The following MYO6 variants were observed in gnomAD, a reference collection of about 807,000 sequenced individuals.
MYO6 encodes the protein unconventional myosin-VI.
A neutral mutation model predicts 178.7 loss-of-function variants in MYO6; 74 were observed. The observed-to-expected ratio is 0.41, with a 90% CI of 0.34 to 0.50. The LOEUF (loss-of-function observed/expected upper bound fraction) is 0.50. Ranked by LOEUF, MYO6 falls within the 20% of genes least tolerant of loss-of-function variation. The pLI, the probability that MYO6 is intolerant of heterozygous loss-of-function variation, is 0.09. For missense variants in MYO6, 1,330 were observed against 1,547.4 expected (o/e 0.86, Z 2.36); for synonymous variants, 477 against 504.6 (o/e 0.95, Z 0.73).
At chr6:75,803,861 GAT>G (rs1010948606) in intron 1 of MYO6, among the ~76,000 whole-genome samples, 45 of 152,076 alleles carry the variant, frequency 3.0e-4, no homozygotes, top group Admixed American at 3.3e-4. Flanking sequence ...GATTAACTTG[GAT>G]ATATTTTCTA....
chr6:75,904,273 C>T (rs1194470625), intron 30 of MYO6, among the ~76,000 whole-genome samples: 2 of 150,170 alleles, frequency 1.3e-5, no homozygotes, highest in Admixed American at 6.6e-5. Context: ...GAATGTTGGC[C>T]TGCCTTGCTA....
chr6:75,861,848 AC>A (rs1776238356), intron 15 of MYO6, among the ~76,000 whole-genome samples: 1 of 151,954 alleles, frequency 6.6e-6, no homozygotes, highest in Non-Finnish European at 1.5e-5. Flanking sequence ...ACCCTTTCTA[AC>A]CTCTGAGTCT....
intron 20 of MYO6, among the ~76,000 whole-genome samples, chr6:75,878,304 G>GT (rs1026135449): frequency 7.2e-5 from 11 of 151,956 alleles, no homozygotes; most frequent in Non-Finnish European, 1.5e-4. Flanking sequence ...TGAGATTTTA[G>GT]TTTTTTTCTG....
chr6:75,828,725 C>G, intron 4 of MYO6, 112 bp downstream of exon 4: 1 of 772,862 alleles, frequency 1.3e-6, no homozygotes, highest in Non-Finnish European at 2.3e-6. Context: ...TTGATCTGAG[C>G]CTCTTGAATA....
intron 20 of MYO6, among the ~76,000 whole-genome samples, chr6:75,878,384 C>T (rs922893509): frequency 2.0e-5 from 3 of 152,118 alleles, no homozygotes; most frequent in Admixed American, 2.0e-4. Flanking sequence ...TCTTTGCCCA[C>T]AAGTGTGAAA....
intron 1 of MYO6, among the ~76,000 whole-genome samples, chr6:75,795,545 TTG>T (rs1013973924): frequency 6.6e-6 from 1 of 152,188 alleles, no homozygotes; most frequent in African/African-American, 2.4e-5. Context: ...AATGCATAAA[TTG>T]TGTCTGTCTC....
chr6:75,857,196 G>T lies in MYO6; in HGVS notation c.1323G>T (p.Gln441His), dbSNP rs1176929638. The T allele has an allele frequency of 6.2e-7, 1 of 1,613,906 alleles. No individual in the cohort carries two copies. Among genetic ancestry groups the T allele is most frequent in the East Asian group, 2.2e-5 (1 of 44,860 alleles). ...LFDHVVNRVN[Q>H]CFPFETSSYF... The stretch of plus-strand genomic sequence containing the variant: ...ATCATGTGGTAAACAGAGTAAATCA[G>T]TGTTTTCCTTTTGAAACATCATCCT... Residue 441 changes from glutamine (Q) to histidine (H), a missense_variant, in exon 13 of 35, where the codon CAG becomes CAT. Around this residue, in one of 3 missense-constraint regions of MYO6, gnomAD observed 613 missense variants for 816.8 expected, o/e 0.75. Transcript: ENST00000369977.
chr6:75,843,013 G>C (rs1774384988), intron 9 of MYO6, among the ~76,000 whole-genome samples: 1 of 152,184 alleles, frequency 6.6e-6, no homozygotes, highest in South Asian at 2.1e-4. Context: ...GTAAGAGGAA[G>C]AGTAGGGGAA....
At chr6:75,898,069 G>A (rs1779443776) in intron 29 of MYO6, among the ~76,000 whole-genome samples, 1 of 152,108 alleles carries the variant, frequency 6.6e-6, no homozygotes, top group East Asian at 1.9e-4. Context: ...TTTAGACCAT[G>A]TTATTTGTAT....
chr6:75,850,722 T>C (rs1421608857), intron 11 of MYO6, among the ~76,000 whole-genome samples: 1 of 152,212 alleles, frequency 6.6e-6, no homozygotes, highest in Non-Finnish European at 1.5e-5. Context: ...TTTCGTGTCT[T>C]AGTTTCCTCA....
rs776814111 is a variant in MYO6, at chr6:75,841,249, C to A, written c.687C>A (p.Leu229=). Residue 229 remains leucine (L), a synonymous_variant, in exon 9 of 35, where the codon CTC becomes CTA. Transcript: ENST00000369977. ...TTGGAGGATTTGTTTCACATTATCT[C>A]CTAGAGAAATCTAGGATCTGTGTTC... ...SVVGGFVSHY[L]LEKSRICVQG... 1.2e-6 allele frequency: 2 copies of A among 1,613,774 alleles called. No homozygotes were observed. Among genetic ancestry groups the A allele is most frequent in the Non-Finnish European group, 1.7e-6 (2 of 1,179,920 alleles).
At chr6:75,812,083 A>G (rs1219657263) in intron 1 of MYO6, among the ~76,000 whole-genome samples, 1 of 152,254 alleles carries the variant, frequency 6.6e-6, no homozygotes, top group East Asian at 1.9e-4. Flanking sequence ...CAGTGGCACA[A>G]TGATAGCTTA....
At chr6:75,805,789 T>G in intron 1 of MYO6, among the ~76,000 whole-genome samples, 2 of 152,348 alleles carry the variant, frequency 1.3e-5, no homozygotes, top group South Asian at 4.1e-4. Context: ...CCAATAATTC[T>G]TATTATTTTT....
At chr6:75,757,780 C>T (rs1265765976) in intron 1 of MYO6, among the ~76,000 whole-genome samples, 2 of 151,870 alleles carry the variant, frequency 1.3e-5, no homozygotes, top group Non-Finnish European at 2.9e-5. Flanking sequence ...ATATTACCTA[C>T]CTGGTGTGGT....
In MYO6 at chr6:75,866,553, C is replaced by G. The variant is rs1405544677; in HGVS notation, c.1702C>G (p.His568Asp). 2 of 1,613,826 alleles carry G rather than the reference C, an allele frequency of 1.2e-6. No homozygotes were observed. Among genetic ancestry groups the G allele is most frequent in the Middle Eastern group, 1.6e-4 (1 of 6,062 alleles). The change falls in exon 17 of 35, where the codon CAT becomes GAT. Residue 568 changes from histidine to aspartate, a missense_variant. Transcript: ENST00000369977. ...TIPRKSKLAV[H>D]RNIRDDEGFI... The stretch of plus-strand genomic sequence containing the variant: ...TCCCAGAAAATCTAAGCTGGCAGTT[C>G]ATAGGAATATCAGAGACGACGAAGG...
intron 2 of MYO6, 85 bp from the exon 3 acceptor site, chr6:75,822,697 A>G: frequency 1.0e-6 from 1 of 984,532 alleles, no homozygotes; most frequent in South Asian, 1.3e-5. Flanking sequence ...TGCCACTATT[A>G]CAGTGTATGC....
chr6:75,842,770 C>A (rs1460728467), intron 9 of MYO6, among the ~76,000 whole-genome samples: 1 of 152,114 alleles, frequency 6.6e-6, no homozygotes, highest in Non-Finnish European at 1.5e-5. Context: ...TTTGTCAATA[C>A]TTAGCTGACA....
intron 9 of MYO6, among the ~76,000 whole-genome samples, chr6:75,842,891 C>G (rs1774372150): frequency 6.6e-6 from 1 of 152,110 alleles, no homozygotes; most frequent in Admixed American, 6.5e-5. Flanking sequence ...GGTACAATGG[C>G]AGGCATCCTG....
At chr6:75,858,576 G>T (rs1201685494) in intron 13 of MYO6, among the ~76,000 whole-genome samples, 1 of 152,174 alleles carries the variant, frequency 6.6e-6, no homozygotes, top group Admixed American at 6.5e-5. Flanking sequence ...CTGCACTCCA[G>T]CCTGTGTGAC....
Sources: gnomAD v4.1 joint callset for allele counts (sites outside exome capture counted in the v4.1 genomes callset) on GRCh38, gnomAD v4.1.1 for gene constraint, gnomAD v4.1.1 regional missense constraint, MANE v1.5 for transcripts, NCBI Gene and HGNC (gene_info 2026-07-23, HGNC 2026-07-21) for gene names.